DACT3: variants seen among roughly 807,000 people sequenced by gnomAD.
DACT3 encodes dishevelled binding antagonist of beta catenin 3, also known as dapper homolog 3.
In DACT3, 5 loss-of-function variants were observed where a neutral mutation model predicts 19.6. The observed-to-expected ratio is 0.26, with a 90% CI of 0.13 to 0.54. The LOEUF is 0.54. DACT3 is among the 20% of genes least tolerant of loss of function. The pLI is 0.95. For synonymous variants in DACT3, 454 were observed against 428.1 expected (o/e 1.06, Z -0.75); for missense variants, 908 against 927.4 (o/e 0.98, Z 0.27).
At chr19:46,656,856 C>G (rs1310448750) in intron 1 of DACT3, among the ~76,000 whole-genome samples, 1 of 152,134 alleles carries the variant, frequency 6.6e-6, no homozygotes, top group African/African-American at 2.4e-5. Flanking sequence ...ATGACTGAGT[C>G]CCATTCCCAG....
Position 46,648,990 on chromosome 19 carries a change from G to A in DACT3, c.1382C>T (p.Pro461Leu), listed in dbSNP as rs764169266. The A allele has an allele frequency of 3.9e-6, 5 of 1,273,282 alleles. No homozygotes were observed. The highest frequency in any genetic ancestry group is 3.0e-4 in the Middle Eastern group (1 of 3,320). The allele number at this position is 1,273,282 out of a possible 1,614,324, so 78.9% of individuals were successfully genotyped here. The change falls in exon 4 of 4, where the codon CCA becomes CTA. Residue 461 changes from proline to leucine, a missense_variant. Physicochemically the swap from Pro to Leu is moderately conservative, Grantham distance 98. Coordinates refer to ENST00000391916, the MANE Select transcript of DACT3 (RefSeq NM_145056.3). The surrounding 1 kb of genome is among the most constrained non-coding windows in gnomAD (Gnocchi z 5.1). ...EPRPPRPRRG[P>L]APTLAAQAAG... ...GGCCTGGGCCGCCAGCGTGGGCGCT[G>A]GGCCGCGGCGTGGCCGTGGAGGCCG...
chr19:46,649,313 G>A lies in DACT3; in HGVS notation c.1059C>T (p.Arg353=), dbSNP rs1374369602. The A allele has an allele frequency of 1.6e-6, 2 of 1,234,608 alleles. No individual in the cohort carries two copies. Among genetic ancestry groups the A allele is most frequent in the South Asian group, 2.5e-5 (1 of 40,224 alleles). The allele number at this position is 1,234,608 out of a possible 1,614,324, so 76.5% of individuals were successfully genotyped here. Residue 353 remains arginine, a synonymous_variant, in exon 4 of 4, where the codon CGC becomes CGT. Coordinates refer to ENST00000391916, the MANE Select transcript of DACT3 (RefSeq NM_145056.3). ...CCGGGATGTACTGCGCCTTCACCAAGCGGCCCTCAGCCGGGCTGTCGGGGG... is the reference window on the plus strand; with the variant it reads ...CCGGGATGTACTGCGCCTTCACCAAACGGCCCTCAGCCGGGCTGTCGGGGG... ...PSPPDSPAEG[R]LVKAQYIPGA...
rs1313675461 is a variant in DACT3 at position 46,652,763 on chromosome 19, T to C, written c.396A>G (p.Ser132=). 3 of 1,551,508 alleles carry C rather than the reference T, an allele frequency of 1.9e-6. No individual in the cohort carries two copies. Among genetic ancestry groups the C allele is most frequent in the Admixed American group, 2.0e-5 (1 of 50,984 alleles). The change falls in exon 3 of 4, where the codon TCA becomes TCG. Residue 132 remains serine, a synonymous_variant. Transcript: ENST00000391916. ...SSTGGPDSPP[S]TFCGDSGFSG... ...AGAAGCCACTGTCCCCACAGAAGGT[T>C]GAGGGTGGTGAATCTGGACCTCCTG... is the stretch of plus-strand genomic sequence containing the variant.
Position 46,648,904 on chromosome 19 carries a change from C to G in DACT3, c.1468G>C (p.Val490Leu). The change falls in exon 4 of 4, where the codon GTG (valine) becomes CTG (leucine). Residue 490 changes from valine to leucine, a missense_variant. Transcript: ENST00000391916. The surrounding 1 kb of genome is among the most constrained non-coding windows in gnomAD (Gnocchi z 5.1). ...AEIDAADGRR[V>L]RPRAPAARVP... ...CGCGCCGCAGGGGCTCGGGGCCGCACGCGGCGCCCATCGGCAGCGTCGATC... is the reference window on the plus strand; with the variant it reads ...CGCGCCGCAGGGGCTCGGGGCCGCAGGCGGCGCCCATCGGCAGCGTCGATC... 1.5e-5 allele frequency: 20 copies of G among 1,361,790 alleles called. No homozygotes were observed. The highest frequency in any genetic ancestry group is 1.9e-5 in the Non-Finnish European group (20 of 1,065,214). 84.4% of individuals were successfully genotyped at this position (1,361,790 alleles called of 1,614,324 possible). A position where few individuals can be genotyped will look rare whatever the true frequency, so the allele number is the denominator to read the frequency against.
chr19:46,656,181 G>C (rs113824546), intron 1 of DACT3, among the ~76,000 whole-genome samples: 7,872 of 150,062 alleles, frequency 0.052, 489 homozygotes, highest in African/African-American at 0.15. Flanking sequence ...TCCCAAGCAG[G>C]TGGGATGACA....
intron 1 of DACT3, chr19:46,659,506 C>G (rs1241580710): frequency 2.0e-6 from 2 of 984,272 alleles, no homozygotes; most frequent in Non-Finnish European, 2.4e-6. Context: ...CTAGCGAAGG[C>G]CCCCACAATC....
intron 1 of DACT3, among the ~76,000 whole-genome samples, chr19:46,655,381 G>T (rs2053025179): frequency 6.6e-6 from 1 of 152,184 alleles, no homozygotes; most frequent in African/African-American, 2.4e-5. Context: ...GGAGGCCAAG[G>T]CAGGGAGGAT....
chr19:46,654,345 G>T, intron 1 of DACT3: 1 of 567,306 alleles, frequency 1.8e-6, no homozygotes, highest in Non-Finnish European at 2.2e-6. Flanking sequence ...AACTAGCGGG[G>T]CGTGGTGGTT....
chr19:46,658,540 C>T (rs2053049247), intron 1 of DACT3, among the ~76,000 whole-genome samples: 1 of 152,192 alleles, frequency 6.6e-6, no homozygotes, highest in East Asian at 1.9e-4. Flanking sequence ...TCCTCCTCTC[C>T]AGCACCTAGA....
intron 3 of DACT3, 174 bp from the exon 4 acceptor site, chr19:46,650,046 T>A: frequency 1.4e-6 from 1 of 713,700 alleles, no homozygotes; most frequent in Non-Finnish European, 1.9e-6. Flanking sequence ...TAATAAAATC[T>A]TTACAGGGTC....
Position 46,657,276 on chromosome 19 carries a change from T to A in DACT3, c.249+3540A>T, listed in dbSNP as rs2053039584. On this transcript the variant is annotated intron_variant, in intron 1 of 3. Coordinates refer to ENST00000391916, the MANE Select transcript of DACT3 (RefSeq NM_145056.3). ...GTGACTTTACCTCTCTGGGCTTCAGTTTCCTTATCTATAACTGGGCATCAT... is the reference window on the plus strand; with the variant it reads ...GTGACTTTACCTCTCTGGGCTTCAGATTCCTTATCTATAACTGGGCATCAT... 2.0e-5 allele frequency among the ~76,000 whole-genome samples: 3 copies of A among 152,086 alleles called. No homozygotes were observed. In the South Asian group the frequency reaches 6.2e-4, roughly 32 times the overall value.
chr19:46,649,466 C>G lies in DACT3; in HGVS notation c.906G>C (p.Ala302=), dbSNP rs755804135. 1 of 1,169,942 alleles carries G rather than the reference C, an allele frequency of 8.5e-7. No individual in the cohort carries two copies. The highest frequency in any genetic ancestry group is 3.2e-5 in the South Asian group (1 of 30,920). 72.5% of individuals were successfully genotyped at this position (1,169,942 alleles called of 1,614,324 possible). The stretch of plus-strand genomic sequence containing the variant: ...CGACGCGCTCCAACGAGGGCTCCCG[C>G]GCGGGTCGCGCGCTGCCGGGGGACG... ...ASPSPGSARP[A]REPSLERVGG... is the part of the protein sequence containing the mutation. Residue 302 remains alanine (A), a synonymous_variant, in exon 4 of 4, where the codon GCG becomes GCC. Coordinates refer to ENST00000391916, the MANE Select transcript of DACT3 (RefSeq NM_145056.3).
At chr19:46,651,916 T>A (rs1318662776) in intron 3 of DACT3, 1 of 152,032 alleles carries the variant, frequency 6.6e-6, no homozygotes, top group Admixed American at 6.6e-5. Context: ...TTTTTTGAGA[T>A]GGAGTCTCAC....
chr19:46,653,132 T>TC, intron 1 of DACT3, 57 bp from the exon 2 acceptor site: 1 of 1,539,374 alleles, frequency 6.5e-7, no homozygotes. Context: ...TGCCGACTGG[T>TC]CCCCTATTCC....
chr19:46,649,339 G>T lies in DACT3; in HGVS notation c.1033C>A (p.Pro345Thr). 1.6e-6 allele frequency: 2 copies of T among 1,244,642 alleles called. No homozygotes were observed. Among genetic ancestry groups the T allele is most frequent in the Non-Finnish European group, 2.0e-6 (2 of 992,036 alleles). 77.1% of individuals were successfully genotyped at this position (1,244,642 alleles called of 1,614,324 possible). A position where few individuals can be genotyped will look rare whatever the true frequency, so the allele number is the denominator to read the frequency against. Reference protein sequence around the residue: ...EPAAPPAAPSPPDSPAEGRLV... With the variant: ...EPAAPPAAPSTPDSPAEGRLV... ...CGGCCCTCAGCCGGGCTGTCGGGGGGTGAGGGGGCGGCGGGCGGCGCAGCG... is the reference window on the plus strand; with the variant it reads ...CGGCCCTCAGCCGGGCTGTCGGGGGTTGAGGGGGCGGCGGGCGGCGCAGCG... The change falls in exon 4 of 4, where the codon CCC becomes ACC. Residue 345 changes from proline (P) to threonine (T), a missense_variant. Around this residue, in one of 2 missense-constraint regions of DACT3, gnomAD observed 656 missense variants for 601.8 expected, o/e 1.09. Coordinates refer to ENST00000391916, the MANE Select transcript of DACT3 (RefSeq NM_145056.3).
In DACT3 at chr19:46,661,179, A is replaced by T; in HGVS notation, c.-115T>A. On this transcript the variant is annotated 5_prime_UTR_variant, in exon 1 of 4. The change abolishes an upstream ATG in the 5' untranslated region. Transcript: ENST00000391916. ...CCGCTGGCCGGGCTGTCACCGTCTCATCTGCATAGGCGCCCGCCCATTGGG... is the reference window on the plus strand; with the variant it reads ...CCGCTGGCCGGGCTGTCACCGTCTCTTCTGCATAGGCGCCCGCCCATTGGG... 1 of 1,162,676 alleles carries T rather than the reference A, an allele frequency of 8.6e-7. No homozygotes were observed. The highest frequency in any genetic ancestry group is 1.1e-6 in the Non-Finnish European group (1 of 898,060). 72.0% of individuals were successfully genotyped at this position (1,162,676 alleles called of 1,614,324 possible). A position where few individuals can be genotyped will look rare whatever the true frequency, so the allele number is the denominator to read the frequency against.
intron 1 of DACT3, among the ~76,000 whole-genome samples, chr19:46,656,693 T>C (rs1568699485): frequency 6.6e-6 from 1 of 152,170 alleles, no homozygotes; most frequent in African/African-American, 2.4e-5. Context: ...AATGAATGTA[T>C]ACAATGGAAT....
chr19:46,648,933 G>A lies in DACT3; in HGVS notation c.1439C>T (p.Ala480Val), dbSNP rs1256171838. Residue 480 changes from alanine (A) to valine (V), a missense_variant, in exon 4 of 4, where the codon GCG (alanine) becomes GTG (valine). Ala to Val is a moderately conservative substitution (Grantham distance 64). Around this residue, in one of 2 missense-constraint regions of DACT3, gnomAD observed 656 missense variants for 601.8 expected, o/e 1.09. Coordinates refer to ENST00000391916, the MANE Select transcript of DACT3 (RefSeq NM_145056.3). The surrounding 1 kb of genome is among the most constrained non-coding windows in gnomAD (Gnocchi z 5.1). ...AGSCRRWRST[A>V]EIDAADGRRV... Reference sequence around the variant, plus strand: ...GCGCCCATCGGCAGCGTCGATCTCCGCAGTGGAGCGCCAGCGACGGCAGGA... The same window carrying A: ...GCGCCCATCGGCAGCGTCGATCTCCACAGTGGAGCGCCAGCGACGGCAGGA... 25 of 1,344,838 alleles carry A rather than the reference G, an allele frequency of 1.9e-5. No individual in the cohort carries two copies. The East Asian group carries it at 4.4e-4, about 24-fold the overall frequency. 83.3% of individuals were successfully genotyped at this position (1,344,838 alleles called of 1,614,324 possible).
intron 3 of DACT3, 61 bp from the exon 4 acceptor site, chr19:46,649,933 T>G: frequency 7.7e-7 from 1 of 1,301,552 alleles, no homozygotes; most frequent in Non-Finnish European, 9.8e-7. Flanking sequence ...TCAAAGTCCT[T>G]TCCCATTTCT....
Sources: gnomAD v4.1 joint callset for allele counts (sites outside exome capture counted in the v4.1 genomes callset) on GRCh38, gnomAD v4.1.1 for gene constraint, gnomAD v4.1.1 regional missense constraint, Gnocchi (gnomAD v3.1) non-coding constraint, MANE v1.5 for transcripts, NCBI Gene and HGNC (gene_info 2026-07-23, HGNC 2026-07-21) for gene names.